PPM1E: variants seen among roughly 807,000 people sequenced by gnomAD.
PPM1E encodes the protein protein phosphatase, Mg2+/Mn2+ dependent 1E.
Under a neutral mutation model 65.9 loss-of-function variants are expected in PPM1E, and 20 were observed. That is an observed-to-expected ratio of 0.30 (90% CI 0.21 to 0.44). The LOEUF is 0.44. PPM1E is among the 20% of genes least tolerant of loss of function. PPM1E has a pLI of 1.00. For synonymous variants in PPM1E, 352 were observed against 374.9 expected, an observed-to-expected ratio of 0.94 and a Z score of 0.70; for missense variants, 713 against 953.1, an observed-to-expected ratio of 0.75 and a Z score of 3.32.
chr17:58,836,855 A>G (rs2050663334), intron 1 of PPM1E, among the ~76,000 whole-genome samples: 2 of 149,134 alleles, frequency 1.3e-5, no homozygotes, highest in African/African-American at 2.4e-5. Context: ...CCCCGTCTCT[A>G]CTAAAAATAC....
chr17:58,960,848 T>C (rs937665389), intron 2 of PPM1E, among the ~76,000 whole-genome samples: 3 of 151,382 alleles, frequency 2.0e-5, no homozygotes, highest in African/African-American at 7.3e-5. Flanking sequence ...AATAAAGTGA[T>C]TAAGAAATAT....
At chr17:58,855,776 A>G (rs1002445843) in intron 1 of PPM1E, among the ~76,000 whole-genome samples, 2 of 152,212 alleles carry the variant, frequency 1.3e-5, no homozygotes, top group African/African-American at 4.8e-5. Context: ...CAGCTTGTGA[A>G]GCAAATTATC....
chr17:58,980,119 C>T lies in PPM1E; in HGVS notation c.1356C>T (p.Asp452=). The part of the protein sequence containing the change: ...NPDEAVKVVS[D]HLKENNGDSS... ...ATGAGGCAGTGAAAGTTGTGTCCGA[C>T]CACCTGAAAGAGAATAATGGAGACA... The change falls in exon 7 of 7, where the codon GAC becomes GAT. Residue 452 remains aspartate (D), a synonymous_variant. Transcript: ENST00000308249. The surrounding 1 kb of genome is among the most constrained non-coding windows in gnomAD (Gnocchi z 4.7). The T allele has an allele frequency of 6.2e-7, 1 of 1,614,076 alleles. No homozygotes were observed. The highest frequency in any genetic ancestry group is 8.5e-7 in the Non-Finnish European group (1 of 1,180,008).
intron 6 of PPM1E, among the ~76,000 whole-genome samples, chr17:58,974,737 A>G (rs1038186017): frequency 2.2e-4 from 33 of 152,348 alleles, no homozygotes; most frequent in African/African-American, 7.7e-4. Flanking sequence ...TTAGTTAAAA[A>G]TTACCAAAAA....
At chr17:58,771,014 G>A (rs1009564802) in intron 1 of PPM1E, among the ~76,000 whole-genome samples, 2 of 151,728 alleles carry the variant, frequency 1.3e-5, no homozygotes, top group African/African-American at 4.8e-5. Context: ...ATGCCACCAC[G>A]CCCAACTAAT....
At chr17:58,831,173 G>A (rs1443734269) in intron 1 of PPM1E, among the ~76,000 whole-genome samples, 1 of 151,992 alleles carries the variant, frequency 6.6e-6, no homozygotes, top group Non-Finnish European at 1.5e-5. Context: ...ACCACACCCA[G>A]CTAATTTTTT....
At chr17:58,878,259 T>A (rs533998003) in intron 1 of PPM1E, among the ~76,000 whole-genome samples, 1 of 152,212 alleles carries the variant, frequency 6.6e-6, no homozygotes, top group Admixed American at 6.5e-5. Context: ...TTTCTTTTTA[T>A]GAGATGAAGT....
At chr17:58,772,222 G>GC (rs2049946007) in intron 1 of PPM1E, among the ~76,000 whole-genome samples, 1 of 152,108 alleles carries the variant, frequency 6.6e-6, no homozygotes. Flanking sequence ...ACTTTGGGAG[G>GC]CCAAGGCAGG....
chr17:58,845,518 TG>T (rs2050762634), intron 1 of PPM1E, among the ~76,000 whole-genome samples: 1 of 152,172 alleles, frequency 6.6e-6, no homozygotes. Flanking sequence ...TCTTAGCCCC[TG>T]GCAACCATCA....
chr17:58,944,506 C>T (rs1235206478), intron 1 of PPM1E, among the ~76,000 whole-genome samples: 3 of 152,076 alleles, frequency 2.0e-5, no homozygotes, highest in African/African-American at 7.2e-5. Flanking sequence ...ACCCCTCCAG[C>T]CCTAAGCTAC....
At chr17:58,910,339 C>A (rs973141865) in intron 1 of PPM1E, among the ~76,000 whole-genome samples, 1 of 152,140 alleles carries the variant, frequency 6.6e-6, no homozygotes, top group South Asian at 2.1e-4. Flanking sequence ...CTCTAGCATT[C>A]ATTTTGGCTC....
intron 1 of PPM1E, among the ~76,000 whole-genome samples, chr17:58,780,781 A>G (rs1045611084): frequency 4.6e-5 from 7 of 151,826 alleles, no homozygotes; most frequent in African/African-American, 1.7e-4. Context: ...GGCTTCTGGG[A>G]TTTGTATTAT....
At chr17:58,856,474 A>C (rs925052862) in intron 1 of PPM1E, among the ~76,000 whole-genome samples, 1 of 152,100 alleles carries the variant, frequency 6.6e-6, no homozygotes, top group Non-Finnish European at 1.5e-5. Flanking sequence ...TGTTCATTTT[A>C]TGATGTCTTC....
intron 2 of PPM1E, among the ~76,000 whole-genome samples, chr17:58,959,381 C>CAT (rs2029959364): frequency 6.7e-6 from 1 of 150,042 alleles, no homozygotes; most frequent in Admixed American, 6.6e-5. Flanking sequence ...GGGCGGATAC[C>CAT]GAGGTCAGGA....
intron 1 of PPM1E, among the ~76,000 whole-genome samples, chr17:58,875,441 A>G (rs563792077): frequency 8.5e-5 from 13 of 152,288 alleles, no homozygotes; most frequent in Admixed American, 8.5e-4. Flanking sequence ...TGGCCCTTAC[A>G]GAAGCAATGC....
intron 1 of PPM1E, among the ~76,000 whole-genome samples, chr17:58,891,832 C>CTTTTTTTTTTTTTTTTTTTTTTTTTT (rs5821250): frequency 1.2e-5 from 1 of 85,496 alleles, no homozygotes; most frequent in Non-Finnish European, 2.1e-5. Context: ...TTTTCTTTTT[C>CTTTTTTTTTTTTTTTTTTTTTTTTTT]TTTTTTTTTT....
chr17:58,879,501 CTTTTTTTTT>C (rs71367639), intron 1 of PPM1E, among the ~76,000 whole-genome samples: 3 of 88,806 alleles, frequency 3.4e-5, no homozygotes, highest in South Asian at 3.7e-4. Flanking sequence ...CTGAGATTAA[CTTTTTTTTT>C]TTTTTTTTTT....
chr17:58,905,459 A>G (rs916760025), intron 1 of PPM1E, among the ~76,000 whole-genome samples: 1 of 152,100 alleles, frequency 6.6e-6, no homozygotes, highest in Non-Finnish European at 1.5e-5. Context: ...ATCTTTTGAT[A>G]TGATCATGTA....
intron 1 of PPM1E, among the ~76,000 whole-genome samples, chr17:58,826,873 C>T (rs923775404): frequency 6.6e-6 from 1 of 152,004 alleles, no homozygotes; most frequent in Non-Finnish European, 1.5e-5. Context: ...TTGTGATCCG[C>T]CCTCCTCAGC....
Sources: allele counts gnomAD v4.1 joint callset (sites outside exome capture counted in the v4.1 genomes callset), GRCh38; gene constraint gnomAD v4.1.1; non-coding constraint Gnocchi (gnomAD v3.1); transcripts MANE v1.5; gene names NCBI Gene and HGNC (gene_info 2026-07-23, HGNC 2026-07-21).